STXBP4: variants seen among roughly 807,000 people sequenced by gnomAD.
STXBP4 encodes syntaxin-binding protein 4.
In STXBP4, 55 loss-of-function variants were observed where a neutral mutation model predicts 76.1. That is an observed-to-expected ratio of 0.72 (90% CI 0.58 to 0.91). The LOEUF (loss-of-function observed/expected upper bound fraction) is 0.91, where lower values mean the gene tolerates loss of function less well. Ranked by LOEUF, STXBP4 falls within the 40% of genes least tolerant of loss-of-function variation. The pLI is 0.00. For missense variants in STXBP4, 618 were observed against 636.9 expected, an observed-to-expected ratio of 0.97 and a Z score of 0.32; for synonymous variants, 201 against 220.2, an observed-to-expected ratio of 0.91 and a Z score of 0.77.
intron 4 of STXBP4, among the ~76,000 whole-genome samples, chr17:54,994,551 C>A (rs2077768996): frequency 6.6e-6 from 1 of 152,184 alleles, no homozygotes; most frequent in Non-Finnish European, 1.5e-5. Flanking sequence ...CGAAATATCT[C>A]TTGAACCCAT....
At chr17:55,029,127 C>T (rs1598230120) in intron 8 of STXBP4, among the ~76,000 whole-genome samples, 1 of 151,630 alleles carries the variant, frequency 6.6e-6, no homozygotes, top group African/African-American at 2.4e-5. Flanking sequence ...TAAATTCATA[C>T]AACGGATTAC....
At position 55,159,938 on chromosome 17, in the gene STXBP4, A is replaced by G. The variant is rs2080322978; in HGVS notation, c.*27A>G. 7.0e-7 allele frequency: 1 copy of G among 1,436,562 alleles called. No individual in the cohort carries two copies. The highest frequency in any genetic ancestry group is 9.8e-7 in the Non-Finnish European group (1 of 1,018,746). The allele number at this position is 1,436,562 out of a possible 1,614,324, so 89.0% of individuals were successfully genotyped here. On this transcript the variant is annotated 3_prime_UTR_variant, in exon 18 of 18. Transcript: ENST00000376352. Reference sequence around the variant, plus strand: ...GGTTTTCCTTAGGAAGTGGAGCTACATGGATGATGTGAGCAGAGACGCATA... The same window carrying G: ...GGTTTTCCTTAGGAAGTGGAGCTACGTGGATGATGTGAGCAGAGACGCATA...
the STXBP4 span, among the ~76,000 whole-genome samples, chr17:55,199,209 T>A: frequency 1.6e-3 from 248 of 152,344 alleles, no homozygotes; most frequent in Non-Finnish European, 3.1e-3. Context: ...AAATGTCCAA[T>A]TAGCATTTTT....
intron 17 of STXBP4, among the ~76,000 whole-genome samples, chr17:55,153,243 T>C (rs1428232327): frequency 6.6e-6 from 1 of 152,226 alleles, no homozygotes; most frequent in Non-Finnish European, 1.5e-5. Context: ...ACAATCAGTA[T>C]TTAAAAGTTC....
chr17:55,009,044 T>C (rs1598196190), intron 8 of STXBP4, among the ~76,000 whole-genome samples: 1 of 152,238 alleles, frequency 6.6e-6, no homozygotes, highest in East Asian at 1.9e-4. Flanking sequence ...TATAATCTTT[T>C]CTATATCTTG....
the STXBP4 span, among the ~76,000 whole-genome samples, chr17:55,188,940 T>C: frequency 1.3e-5 from 2 of 152,190 alleles, no homozygotes; most frequent in African/African-American, 4.8e-5. Context: ...CGTATTTCAT[T>C]CTTTTTTTAG....
chr17:55,050,275 G>A (rs1408961773), intron 12 of STXBP4, among the ~76,000 whole-genome samples: 1 of 151,928 alleles, frequency 6.6e-6, no homozygotes, highest in Non-Finnish European at 1.5e-5. Flanking sequence ...AATAGTTAAA[G>A]AGAAACCAAA....
chr17:55,011,504 T>TTCTC (rs1262175633), intron 8 of STXBP4, among the ~76,000 whole-genome samples: 2 of 122,278 alleles, frequency 1.6e-5, no homozygotes, highest in Non-Finnish European at 1.7e-5. Flanking sequence ...TTTATTTTCT[T>TTCTC]TTTCTTTTTT....
chr17:54,970,161 T>G (rs1359560262), intron 1 of STXBP4, among the ~76,000 whole-genome samples: 1 of 152,030 alleles, frequency 6.6e-6, no homozygotes, highest in Non-Finnish European at 1.5e-5. Context: ...TGGTAGGAAA[T>G]GGGGTCAGAA....
At chr17:55,048,911 G>A (rs1252478634) in intron 12 of STXBP4, among the ~76,000 whole-genome samples, 1 of 151,816 alleles carries the variant, frequency 6.6e-6, no homozygotes, top group Non-Finnish European at 1.5e-5. Flanking sequence ...ATCTAATATA[G>A]GTACTGGGGA....
intron 16 of STXBP4, among the ~76,000 whole-genome samples, chr17:55,125,500 A>AAAAT (rs1459281293): frequency 1.1e-4 from 16 of 149,276 alleles, no homozygotes; most frequent in African/African-American, 4.0e-4. Context: ...AAAAAAAAAA[A>AAAAT]TACAATTGAA....
At position 54,999,760 on chromosome 17, in the gene STXBP4, T is replaced by C; in HGVS notation, c.416T>C (p.Leu139Pro). The change falls in exon 6 of 18, where the codon CTT (leucine) becomes CCT (proline). Residue 139 changes from leucine (L) to proline (P), a missense_variant. Coordinates refer to ENST00000376352, the MANE Select transcript of STXBP4 (RefSeq NM_178509.6). ...EYGPQASTLS[L>P]FSSPPEILIP... ...GGACCTCAAGCCTCAACATTAAGTC[T>C]TTTTTCTTCTCCTCCTGAAATACTA... is the stretch of plus-strand genomic sequence containing the variant. 1.2e-6 allele frequency: 2 copies of C among 1,613,630 alleles called. No individual in the cohort carries two copies. Among genetic ancestry groups the C allele is most frequent in the Non-Finnish European group, 1.7e-6 (2 of 1,179,736 alleles).
At chr17:55,206,857 GA>G in the STXBP4 span, among the ~76,000 whole-genome samples, 5,028 of 103,076 alleles carry the variant, frequency 0.049, 241 homozygotes, top group African/African-American at 0.16. Context: ...CTCCGTCTCA[GA>G]AAAAAAAAAA....
the STXBP4 span, among the ~76,000 whole-genome samples, chr17:55,199,211 A>C: frequency 1.3e-5 from 2 of 152,244 alleles, no homozygotes; most frequent in Admixed American, 6.5e-5. Flanking sequence ...ATGTCCAATT[A>C]GCATTTTTTG....
chr17:55,066,043 C>G (rs2079047360), intron 12 of STXBP4, among the ~76,000 whole-genome samples: 1 of 152,128 alleles, frequency 6.6e-6, no homozygotes, highest in Admixed American at 6.5e-5. Context: ...TCTTGAAGTT[C>G]TAGATATCCA....
At chr17:55,043,883 C>A in intron 11 of STXBP4, 2 of 473,016 alleles carry the variant, frequency 4.2e-6, no homozygotes, top group Non-Finnish European at 7.4e-6. Context: ...GGGTCGCACT[C>A]TGTCGCCCAG....
chr17:55,176,534 G>C (rs2080431523), downstream of STXBP4, among the ~76,000 whole-genome samples: 1 of 152,168 alleles, frequency 6.6e-6, no homozygotes, highest in Non-Finnish European at 1.5e-5. Flanking sequence ...ATGCCAAAAG[G>C]CCTCATAAGC....
At chr17:55,091,761 G>A (rs979421030) in intron 16 of STXBP4, among the ~76,000 whole-genome samples, 4 of 152,170 alleles carry the variant, frequency 2.6e-5, no homozygotes, top group South Asian at 2.1e-4. Context: ...TTTGGTTCAC[G>A]CACAGAATTG....
intron 8 of STXBP4, among the ~76,000 whole-genome samples, chr17:55,016,735 A>G (rs968978028): frequency 6.6e-6 from 1 of 152,184 alleles, no homozygotes; most frequent in Non-Finnish European, 1.5e-5. Context: ...AATCCCCTGT[A>G]AGGAAATCTG....
Sources: allele counts gnomAD v4.1 joint callset (sites outside exome capture counted in the v4.1 genomes callset), GRCh38; gene constraint gnomAD v4.1.1; transcripts MANE v1.5; gene names NCBI Gene and HGNC (gene_info 2026-07-23, HGNC 2026-07-21).